Variants in CELF4 observed in about 807,000 individuals in gnomAD.
CELF4 encodes CUG-BP- and ETR-3-like factor 4.
In CELF4, 18 loss-of-function variants were observed where a neutral mutation model predicts 59.9. The ratio of observed to expected loss-of-function variants is 0.30; its 90% confidence interval spans 0.21 to 0.45. CELF4 has a LOEUF of 0.45. Among genes scored for constraint, CELF4 ranks in the 20% least tolerant of loss-of-function variants. The probability of loss-of-function intolerance (pLI) is 1.00; values close to 1 mark genes in which losing one functional copy is unlikely to be tolerated. For synonymous variants in CELF4, 261 were observed against 267.1 expected (o/e 0.98, Z 0.22); for missense variants, 456 against 689.0 (o/e 0.66, Z 3.79).
At position 37,273,246 on chromosome 18, in the gene CELF4, A is replaced by G. The variant is rs2092172796; in HGVS notation, c.802-83T>C. 12 of 1,530,108 alleles carry G rather than the reference A, an allele frequency of 7.8e-6. No individual in the cohort carries two copies. The South Asian group carries it at 1.1e-4, about 15-fold the overall frequency. 94.8% of individuals were successfully genotyped at this position (1,530,108 alleles called of 1,614,324 possible). A position where few individuals can be genotyped will look rare whatever the true frequency, so the allele number is the denominator to read the frequency against. ...CAGGGGCCTCAGCTCCTGGAGACCAATCTCCCAGGCTCTGAGCCCCAGAAG... is the reference window on the plus strand; with the variant it reads ...CAGGGGCCTCAGCTCCTGGAGACCAGTCTCCCAGGCTCTGAGCCCCAGAAG... On this transcript the variant is annotated intron_variant, in intron 6 of 12. Coordinates refer to ENST00000420428, the MANE Select transcript of CELF4 (RefSeq NM_020180.4).
At chr18:37,449,613 C>T (rs992940438) in intron 2 of CELF4, among the ~76,000 whole-genome samples, 4 of 152,036 alleles carry the variant, frequency 2.6e-5, no homozygotes, top group Non-Finnish European at 4.4e-5. Context: ...CAAGTCAGGG[C>T]GTAACTGGTT....
intron 2 of CELF4, among the ~76,000 whole-genome samples, chr18:37,346,793 G>A (rs2098276163): frequency 6.6e-6 from 1 of 152,098 alleles, no homozygotes. Context: ...CAGGAGGGAG[G>A]AAGCCTGGGG....
chr18:37,384,476 G>A (rs1205544726), intron 2 of CELF4, among the ~76,000 whole-genome samples: 1 of 151,988 alleles, frequency 6.6e-6, no homozygotes, highest in Non-Finnish European at 1.5e-5. Context: ...GACAGGGGCG[G>A]GCAGGGACTG....
At chr18:37,321,651 A>C (rs1396084316) in intron 3 of CELF4, 152 bp downstream of exon 3, 1 of 573,362 alleles carries the variant, frequency 1.7e-6, no homozygotes, top group Non-Finnish European at 3.1e-6. Context: ...AGTCACCCAG[A>C]GCTCCAAAGC....
At chr18:37,276,476 G>C (rs1175013423) in intron 3 of CELF4, 1 of 152,214 alleles carries the variant, frequency 6.6e-6, no homozygotes, top group East Asian at 1.9e-4. Context: ...GTGGGGGGTT[G>C]TTAGCTCTGT....
chr18:37,389,465 T>G (rs1486915497), intron 2 of CELF4, among the ~76,000 whole-genome samples: 1 of 152,228 alleles, frequency 6.6e-6, no homozygotes, highest in Non-Finnish European at 1.5e-5. Flanking sequence ...TCCCTATATT[T>G]CATCCATCAC....
chr18:37,381,266 T>C (rs1169940273), intron 2 of CELF4, among the ~76,000 whole-genome samples: 1 of 152,080 alleles, frequency 6.6e-6, no homozygotes, highest in Non-Finnish European at 1.5e-5. Context: ...CAGGTAGGAG[T>C]AAAGAATGTA....
intron 1 of CELF4, among the ~76,000 whole-genome samples, chr18:37,491,962 C>T (rs1038604392): frequency 6.6e-6 from 1 of 152,198 alleles, no homozygotes; most frequent in Non-Finnish European, 1.5e-5. Flanking sequence ...CAATTTCCTG[C>T]CCAACTCTGA....
intron 2 of CELF4, among the ~76,000 whole-genome samples, chr18:37,388,073 T>G (rs2099118513): frequency 1.3e-5 from 2 of 149,986 alleles, no homozygotes; most frequent in Non-Finnish European, 1.5e-5. Context: ...GGGGGGAGGG[T>G]ACTGTACAGC....
intron 2 of CELF4, among the ~76,000 whole-genome samples, chr18:37,448,597 C>T (rs1003162115): frequency 6.6e-6 from 1 of 152,224 alleles, no homozygotes; most frequent in Non-Finnish European, 1.5e-5. Flanking sequence ...CAGGTGCTGG[C>T]CCCTGACAGC....
chr18:37,531,736 G>A lies in CELF4; in HGVS notation c.286+33620C>T, dbSNP rs2099969771. 3.3e-5 allele frequency among the ~76,000 whole-genome samples: 5 copies of A among 152,154 alleles called. No homozygotes were observed. In the South Asian group the frequency reaches 8.3e-4, roughly 25 times the overall value. ...TGGCACCGTCCTGTGCTAGGATAGA[G>A]GGGCCGTTCCATCATGGTTTTCAGG... On this transcript the variant is annotated intron_variant, in intron 1 of 12. Coordinates refer to ENST00000420428, the MANE Select transcript of CELF4 (RefSeq NM_020180.4).
chr18:37,450,212 G>A (rs1274529232), intron 2 of CELF4, among the ~76,000 whole-genome samples: 1 of 151,874 alleles, frequency 6.6e-6, no homozygotes, highest in East Asian at 1.9e-4. Flanking sequence ...TTTCGTATGT[G>A]TGTTATGTAT....
chr18:37,368,603 C>G (rs2098818473), intron 2 of CELF4, among the ~76,000 whole-genome samples: 1 of 152,246 alleles, frequency 6.6e-6, no homozygotes, highest in Non-Finnish European at 1.5e-5. Flanking sequence ...CATAAACTTC[C>G]TCCTTCTCTG....
Position 37,264,685 on chromosome 18 carries a change from T to C in CELF4, c.1238A>G (p.Gln413Arg). ...FPQPPPMIPQ[Q>R]QREGPEGCNL... is the part of the protein sequence containing the mutation. ...GCCTGCAGACTCACCTTCTCTCTGC[T>C]GCTGGGGGATCATTGGAGGCGGCTG... The change falls in exon 10 of 13, where the codon CAG becomes CGG. Residue 413 changes from glutamine to arginine, a missense_variant. Physicochemically the swap from Gln to Arg is conservative, Grantham distance 43. Transcript: ENST00000420428. 6.3e-7 allele frequency: 1 copy of C among 1,576,236 alleles called. No individual in the cohort carries two copies. Among genetic ancestry groups the C allele is most frequent in the Non-Finnish European group, 8.6e-7 (1 of 1,160,028 alleles).
intron 3 of CELF4, among the ~76,000 whole-genome samples, chr18:37,300,093 C>G (rs1446092033): frequency 6.6e-6 from 1 of 152,214 alleles, no homozygotes; most frequent in African/African-American, 2.4e-5. Flanking sequence ...TGGGGTCTTC[C>G]GCCTTCACTT....
chr18:37,485,545 C>T lies in CELF4; in HGVS notation c.349G>A (p.Glu117Lys), dbSNP rs866966021. Residue 117 changes from glutamate (E) to lysine (K), a missense_variant, in exon 2 of 13, where the codon GAG (glutamate) becomes AAG (lysine). This residue lies in a region of CELF4 where 63 missense variants were observed against 110.6 expected (regional missense o/e 0.57). Coordinates refer to ENST00000420428, the MANE Select transcript of CELF4 (RefSeq NM_020180.4). ...CTTACCCCGGGCAGAGTCTTCTGCT[C>T]GTGCAGCGCGCTCTGGGCCTTCAGC... ...SALKAQSALH[E>K]QKTLPGMNRP... 1.4e-6 allele frequency: 2 copies of T among 1,420,510 alleles called. No individual in the cohort carries two copies. The highest frequency in any genetic ancestry group is 1.5e-5 in the African/African-American group (1 of 68,718). The allele number at this position is 1,420,510 out of a possible 1,614,324, so 88.0% of individuals were successfully genotyped here.
In CELF4 at chr18:37,485,427, C is replaced by T. The variant is rs879581314; in HGVS notation, c.369+98G>A. ...GAGCTCAGGCGGGGCGGCGGGCGCC[C>T]TGCCGTCCTCTCCCCGCGCGCCGCG... On this transcript the variant is annotated intron_variant, in intron 2 of 12. Coordinates refer to ENST00000420428, the MANE Select transcript of CELF4 (RefSeq NM_020180.4). The T allele has an allele frequency of 3.5e-3, 2,025 of 575,394 alleles. 15 individuals are homozygous for T. Among genetic ancestry groups the T allele is most frequent in the Non-Finnish European group, 4.2e-3 (1,847 of 443,538 alleles). The allele number at this position is 575,394 out of a possible 1,614,324, so 35.6% of individuals were successfully genotyped here.
At chr18:37,331,337 C>A (rs2097535396) in intron 2 of CELF4, among the ~76,000 whole-genome samples, 1 of 152,220 alleles carries the variant, frequency 6.6e-6, no homozygotes, top group South Asian at 2.1e-4. Flanking sequence ...CCTCCTCCTC[C>A]AGCAAGCCTT....
chr18:37,279,580 T>A (rs62085179), intron 3 of CELF4, among the ~76,000 whole-genome samples: 37,003 of 152,180 alleles, frequency 0.24, 5,281 homozygotes, highest in Middle Eastern at 0.34. Context: ...TGTGCCGGAC[T>A]CTGTTCCAAG....
Sources: allele counts gnomAD v4.1 joint callset (sites outside exome capture counted in the v4.1 genomes callset), GRCh38; gene constraint gnomAD v4.1.1; regional missense constraint gnomAD v4.1.1; transcripts MANE v1.5; gene names NCBI Gene and HGNC (gene_info 2026-07-23, HGNC 2026-07-21).